The following TTBK2 variants were observed in gnomAD, a reference collection of about 807,000 sequenced individuals.
TTBK2 encodes the protein tau-tubulin kinase 2.
A neutral mutation model predicts 110.8 loss-of-function variants in TTBK2; 28 were observed. The ratio of observed to expected loss-of-function variants is 0.25; its 90% CI spans 0.19 to 0.35. TTBK2 has a LOEUF of 0.35. Among genes scored for constraint, TTBK2 ranks in the 10% least tolerant of loss-of-function variants. The pLI is 1.00. For synonymous variants in TTBK2, 532 were observed against 527.3 expected (o/e 1.01, Z -0.12); for missense variants, 1,369 against 1,500.3 (o/e 0.91, Z 1.45).
chr15:42,801,597 G>C, intron 9 of TTBK2: 1 of 777,762 alleles, frequency 1.3e-6, no homozygotes. Flanking sequence ...GCCTGGCTGC[G>C]GTTGGCAATC....
At chr15:42,883,013 C>CTT (rs538303325) in intron 1 of TTBK2, among the ~76,000 whole-genome samples, 132 of 152,200 alleles carry the variant, frequency 8.7e-4, no homozygotes, top group African/African-American at 3.1e-3. Flanking sequence ...CAAAAATATG[C>CTT]TTGCAAGTTA....
Position 42,775,378 on chromosome 15 carries a change from T to C in TTBK2, c.1755A>G (p.Val585=), listed in dbSNP as rs1889864457. 2 of 1,614,244 alleles carry C rather than the reference T, an allele frequency of 1.2e-6. No homozygotes were observed. Among genetic ancestry groups the C allele is most frequent in the East Asian group, 2.2e-5 (1 of 44,894 alleles). The change falls in exon 13 of 15, where the codon GTA becomes GTG. Residue 585 remains valine, a synonymous_variant. Transcript: ENST00000267890. The stretch of plus-strand genomic sequence containing the variant: ...GAGGTGATGCCTCCAGGACTTGAAG[T>C]ACTTCAGGCTCCTCATCAGAAGGAC... ...TGSPSDEEPE[V]LQVLEASPQD... is the part of the protein sequence containing the mutation.
chr15:42,896,001 A>G (rs529598962), intron 1 of TTBK2, among the ~76,000 whole-genome samples: 94 of 152,224 alleles, frequency 6.2e-4, no homozygotes, highest in South Asian at 8.3e-4. Context: ...GGGCCAAATG[A>G]TATTTGACAA....
At chr15:42,917,640 A>G (rs978913654) in intron 1 of TTBK2, among the ~76,000 whole-genome samples, 5 of 152,008 alleles carry the variant, frequency 3.3e-5, no homozygotes, top group Non-Finnish European at 7.4e-5. Flanking sequence ...AAGCCTGGGG[A>G]AAAAACTTCC....
chr15:42,917,925 A>G (rs886207250), intron 1 of TTBK2, among the ~76,000 whole-genome samples: 1 of 152,058 alleles, frequency 6.6e-6, no homozygotes, highest in African/African-American at 2.4e-5. Context: ...AATATTTCCT[A>G]TAGGATTTTT....
intron 9 of TTBK2, among the ~76,000 whole-genome samples, chr15:42,797,847 T>G (rs1747988937): frequency 6.6e-6 from 1 of 152,126 alleles, no homozygotes; most frequent in South Asian, 2.1e-4. Flanking sequence ...TAAATTTGAA[T>G]AGTCCTCATG....
At chr15:42,855,054 A>G (rs886708074) in intron 3 of TTBK2, 2 of 152,172 alleles carry the variant, frequency 1.3e-5, no homozygotes, top group African/African-American at 4.8e-5. Context: ...AGAGGCCTAC[A>G]ATTTAAAAGA....
At chr15:42,831,385 T>G (rs1325321393) in intron 4 of TTBK2, among the ~76,000 whole-genome samples, 1 of 152,152 alleles carries the variant, frequency 6.6e-6, no homozygotes, top group Non-Finnish European at 1.5e-5. Flanking sequence ...TAGAATACTG[T>G]GTGGTACACA....
At chr15:42,746,368 T>A in intron 14 of TTBK2, 111 bp from the exon 15 acceptor site, 1 of 841,428 alleles carries the variant, frequency 1.2e-6, no homozygotes, top group Non-Finnish European at 1.9e-6. Flanking sequence ...GAAAATAGAC[T>A]AACAGGATAC....
intron 1 of TTBK2, among the ~76,000 whole-genome samples, chr15:42,890,047 A>G (rs1383610075): frequency 1.3e-5 from 2 of 152,206 alleles, no homozygotes; most frequent in Non-Finnish European, 2.9e-5. Flanking sequence ...CTGAAGATCC[A>G]CAAAAGAAGT....
At position 42,775,117 on chromosome 15, in the gene TTBK2, T is replaced by A. The variant is rs375911655; in HGVS notation, c.1998+18A>T. 1.2e-4 allele frequency: 197 copies of A among 1,609,080 alleles called. No homozygotes were observed. Among genetic ancestry groups the A allele is most frequent in the Non-Finnish European group, 1.5e-4 (172 of 1,179,296 alleles). On this transcript the variant is annotated intron_variant, in intron 13 of 14. Coordinates refer to ENST00000267890, the MANE Select transcript of TTBK2 (RefSeq NM_173500.4). ...TTGAGTGGATAACAGAGAATAATAATAAAAACAAATTTCTTACCGCTGTAA... is the reference window on the plus strand; with the variant it reads ...TTGAGTGGATAACAGAGAATAATAAAAAAAACAAATTTCTTACCGCTGTAA...
Position 42,830,018 on chromosome 15 carries a change from T to C in TTBK2, c.352A>G (p.Thr118Ala). ...AAAATCTGTCTACCCAGCCGGAGAG[T>C]GGTACTAATGGTGAATGTGCCTCGG... ...QSRGTFTIST[T>A]LRLGRQILES... The change falls in exon 5 of 15, where the codon ACT becomes GCT. Residue 118 changes from threonine (T) to alanine (A), a missense_variant. Physicochemically the swap from Thr to Ala is moderately conservative, Grantham distance 58 (BLOSUM62 0). Around this residue, in one of 4 missense-constraint regions of TTBK2, gnomAD observed 122 missense variants for 159.7 expected, o/e 0.76. Transcript: ENST00000267890. 1 of 1,613,550 alleles carries C rather than the reference T, an allele frequency of 6.2e-7. No individual in the cohort carries two copies. The highest frequency in any genetic ancestry group is 8.5e-7 in the Non-Finnish European group (1 of 1,179,890).
At chr15:42,858,731 C>A (rs756578176) in intron 3 of TTBK2, among the ~76,000 whole-genome samples, 18 of 152,136 alleles carry the variant, frequency 1.2e-4, no homozygotes, top group Non-Finnish European at 2.1e-4. Context: ...GAATCATACA[C>A]GGGAACCAGT....
chr15:42,803,802 G>A (rs1212006188), intron 9 of TTBK2, among the ~76,000 whole-genome samples: 8 of 151,956 alleles, frequency 5.3e-5, no homozygotes, highest in Non-Finnish European at 7.4e-5. Context: ...AGGCCAAGGC[G>A]GGCCGATCAC....
At chr15:42,907,241 T>C (rs1307942846) in intron 1 of TTBK2, among the ~76,000 whole-genome samples, 1 of 152,102 alleles carries the variant, frequency 6.6e-6, no homozygotes, top group African/African-American at 2.4e-5. Flanking sequence ...GAATGGAAAT[T>C]AGTACAGCCA....
rs775916088 is a variant in TTBK2 at position 42,753,009 on chromosome 15, C to T, written c.2237G>A (p.Arg746Lys). 6.2e-7 allele frequency: 1 copy of T among 1,614,176 alleles called. No homozygotes were observed. Among genetic ancestry groups the T allele is most frequent in the African/African-American group, 1.3e-5 (1 of 75,046 alleles). ...HIGHDMLPNI[R>K]ESNKSQDLGP... ...CAGGTCTTGAGATTTGTTACTTTCT[C>T]TAATGTTGGGTAACATGTCATGACC... is the stretch of plus-strand genomic sequence containing the variant. Residue 746 changes from arginine (R) to lysine (K), a missense_variant, in exon 14 of 15, where the codon AGA becomes AAA. By Grantham distance (26) the Arg-to-Lys change is conservative. Around this residue, in one of 4 missense-constraint regions of TTBK2, gnomAD observed 1,097 missense variants for 1,114.7 expected, o/e 0.98. Transcript: ENST00000267890.
intron 9 of TTBK2, among the ~76,000 whole-genome samples, chr15:42,795,940 G>C (rs1890919970): frequency 6.6e-6 from 1 of 151,992 alleles, no homozygotes; most frequent in Non-Finnish European, 1.5e-5. Context: ...CAGATGACCA[G>C]TTAAGAGATT....
At chr15:42,822,979 C>G (rs1056401453) in intron 6 of TTBK2, among the ~76,000 whole-genome samples, 1 of 152,016 alleles carries the variant, frequency 6.6e-6, no homozygotes, top group Admixed American at 6.6e-5. Context: ...CTATTGCTAA[C>G]AAAAGGGAAA....
At chr15:42,891,059 CG>C (rs992527048) in intron 1 of TTBK2, among the ~76,000 whole-genome samples, 35 of 151,548 alleles carry the variant, frequency 2.3e-4, no homozygotes, top group Middle Eastern at 3.5e-3. Flanking sequence ...CTGGTAGAGA[CG>C]GGGGGTTTTA....
Sources: allele counts gnomAD v4.1 joint callset (sites outside exome capture counted in the v4.1 genomes callset), GRCh38; gene constraint gnomAD v4.1.1; regional missense constraint gnomAD v4.1.1; transcripts MANE v1.5; gene names NCBI Gene and HGNC (gene_info 2026-07-23, HGNC 2026-07-21).